Variants in ITSN1 observed in about 807,000 individuals in gnomAD.
The protein encoded by ITSN1 is intersectin 1.
Under a neutral mutation model 239.8 loss-of-function variants are expected in ITSN1, and 58 were observed. That is an observed-to-expected ratio of 0.24 (90% CI 0.20 to 0.30). The LOEUF is 0.30. Among genes scored for constraint, ITSN1 ranks in the 10% least tolerant of loss-of-function variants. ITSN1 has a pLI of 1.00. For missense variants in ITSN1, 1,558 were observed against 2,103.3 expected (o/e 0.74, Z 5.07); for synonymous variants, 780 against 770.8 (o/e 1.01, Z -0.20).
intron 4 of ITSN1, among the ~76,000 whole-genome samples, chr21:33,725,145 T>G (rs1255128828): frequency 4.8e-5 from 7 of 145,014 alleles, no homozygotes; most frequent in East Asian, 2.0e-4. Flanking sequence ...TTTTTTTTTT[T>G]TTTTTTTGAG....
rs770336966 is a variant in ITSN1, at chr21:33,772,050, C to G, written c.1043-11C>G. 9 of 1,612,768 alleles carry G rather than the reference C, an allele frequency of 5.6e-6. No individual in the cohort carries two copies. Among genetic ancestry groups the G allele is most frequent in the Non-Finnish European group, 7.6e-6 (9 of 1,179,108 alleles). ...TTGAGTTTTCATAGTTGCTGTGTTC[C>G]TTGTCTGAAGTAACGTTTGAAGATA... On this transcript the variant is annotated splice_polypyrimidine_tract_variant and intron_variant, in intron 11 of 39. Coordinates refer to ENST00000381318, the MANE Select transcript of ITSN1 (RefSeq NM_003024.3).
intron 1 of ITSN1, among the ~76,000 whole-genome samples, chr21:33,700,748 C>T (rs1455119563): frequency 6.6e-6 from 1 of 151,946 alleles, no homozygotes; most frequent in Non-Finnish European, 1.5e-5. Flanking sequence ...ATTGTTTGGG[C>T]CCAGTTTCTT....
At chr21:33,711,744 T>C (rs986638625) in intron 1 of ITSN1, among the ~76,000 whole-genome samples, 1 of 151,832 alleles carries the variant, frequency 6.6e-6, no homozygotes, top group Admixed American at 6.6e-5. Flanking sequence ...TATTATCAGC[T>C]TAGAGTTAAT....
intron 23 of ITSN1, among the ~76,000 whole-genome samples, chr21:33,819,030 A>G (rs2073475960): frequency 6.6e-6 from 1 of 152,236 alleles, no homozygotes; most frequent in African/African-American, 2.4e-5. Flanking sequence ...TGTGTCCAGT[A>G]TAGCAAAGTG....
chr21:33,713,594 C>T (rs1025398045), intron 1 of ITSN1, among the ~76,000 whole-genome samples: 5 of 152,098 alleles, frequency 3.3e-5, no homozygotes, highest in African/African-American at 4.8e-5. Context: ...TGTAGTAATT[C>T]ATACAGCAAG....
intron 29 of ITSN1, chr21:33,837,467 T>G: frequency 2.0e-6 from 2 of 986,204 alleles, no homozygotes; most frequent in Non-Finnish European, 2.4e-6. Context: ...AATCTGAGAC[T>G]TGATGTATTT....
At chr21:33,689,175 G>A (rs2091391198) in intron 1 of ITSN1, 1 of 152,168 alleles carries the variant, frequency 6.6e-6, no homozygotes. Flanking sequence ...GTTCAGGATT[G>A]CCTAATGTTG....
chr21:33,761,121 G>A (rs908268918), intron 8 of ITSN1, among the ~76,000 whole-genome samples: 3 of 151,706 alleles, frequency 2.0e-5, no homozygotes, highest in African/African-American at 4.9e-5. Flanking sequence ...TGTTGCCCAG[G>A]ATGGAGTGCA....
chr21:33,799,688 G>A, intron 18 of ITSN1, 120 bp from the exon 19 acceptor site: 1 of 1,088,314 alleles, frequency 9.2e-7, no homozygotes, highest in African/African-American at 1.6e-5. Context: ...TGAATGGAGG[G>A]AAATAGTTCA....
Position 33,767,769 on chromosome 21 carries a change from G to A in ITSN1, c.983G>A (p.Arg328Lys), listed in dbSNP as rs1332693153. The A allele has an allele frequency of 6.2e-6, 10 of 1,613,296 alleles. No homozygotes were observed. The highest frequency in any genetic ancestry group is 8.5e-6 in the Non-Finnish European group (10 of 1,179,490). Residue 328 changes from arginine (R) to lysine (K), a missense_variant, in exon 11 of 40, where the codon AGG becomes AAG. Transcript: ENST00000381318. ...SVISSTSVDQRLPEEPVLEDE... is the reference protein window; with the variant it reads ...SVISSTSVDQKLPEEPVLEDE... ...ATAAGCTCAACATCTGTAGATCAGAGGCTACCAGAGGAACCAGTTTTAGAA... is the reference window on the plus strand; with the variant it reads ...ATAAGCTCAACATCTGTAGATCAGAAGCTACCAGAGGAACCAGTTTTAGAA...
chr21:33,882,205 A>G lies in ITSN1; in HGVS notation c.4342-38A>G, dbSNP rs745503382. 12 of 1,589,216 alleles carry G rather than the reference A, an allele frequency of 7.6e-6. No homozygotes were observed. The highest frequency in any genetic ancestry group is 1.4e-5 in the African/African-American group (1 of 74,070). On this transcript the variant is annotated intron_variant, in intron 34 of 39. Coordinates refer to ENST00000381318, the MANE Select transcript of ITSN1 (RefSeq NM_003024.3). The surrounding 1 kb of genome is among the most constrained non-coding windows in gnomAD (Gnocchi z 4.5). ...CCCATGCTTTCAGATGCGGAGAAAC[A>G]AAAATGCTACACTTTGGGTTTTGTT...
intron 34 of ITSN1, among the ~76,000 whole-genome samples, chr21:33,881,190 G>A (rs1404812185): frequency 2.6e-5 from 4 of 152,084 alleles, no homozygotes; most frequent in Non-Finnish European, 1.5e-5. Context: ...GGTGGATCAC[G>A]AGGTCAGGAG....
chr21:33,649,093 G>T (rs1006992793), intron 1 of ITSN1, among the ~76,000 whole-genome samples: 1 of 152,170 alleles, frequency 6.6e-6, no homozygotes, highest in Non-Finnish European at 1.5e-5. Flanking sequence ...TCTTAGAAAC[G>T]CAAGACTGTA....
At chr21:33,887,344 GT>G (rs1343190441) in intron 39 of ITSN1, among the ~76,000 whole-genome samples, 2 of 151,584 alleles carry the variant, frequency 1.3e-5, no homozygotes, top group African/African-American at 4.8e-5. Flanking sequence ...CACAGAGTAA[GT>G]TAAAAGATTA....
Position 33,896,765 on chromosome 21 carries a change from C to T in ITSN1, c.*8465C>T, listed in dbSNP as rs1442804139. ...GCTTTTACTTTTCCTGGGCTGGACG[C>T]TCCAAAATGTTTGCAGTTCCATTTG... On this transcript the variant is annotated 3_prime_UTR_variant, in exon 40 of 40. Coordinates refer to ENST00000381318, the MANE Select transcript of ITSN1 (RefSeq NM_003024.3). 1 of 152,266 alleles carries T rather than the reference C, an allele frequency of 6.6e-6. No homozygotes were observed. The highest frequency in any genetic ancestry group is 1.5e-5 in the Non-Finnish European group (1 of 68,040). The allele number at this position is 152,266 out of a possible 1,614,324, so 9.4% of individuals were successfully genotyped here. A position where few individuals can be genotyped will look rare whatever the true frequency, so the allele number is the denominator to read the frequency against.
At chr21:33,848,306 G>C (rs2075046099) in intron 29 of ITSN1, among the ~76,000 whole-genome samples, 1 of 152,278 alleles carries the variant, frequency 6.6e-6, no homozygotes, top group African/African-American at 2.4e-5. Flanking sequence ...TGGACACACA[G>C]ACGCTGGAGA....
intron 27 of ITSN1, among the ~76,000 whole-genome samples, chr21:33,832,052 AG>A (rs1569272200): frequency 6.6e-6 from 1 of 152,116 alleles, no homozygotes; most frequent in Non-Finnish European, 1.5e-5. Flanking sequence ...CTTGCCTGCC[AG>A]GGGAAGGCTT....
chr21:33,863,249 C>G (rs1477616184), intron 31 of ITSN1, among the ~76,000 whole-genome samples: 1 of 152,222 alleles, frequency 6.6e-6, no homozygotes, highest in African/African-American at 2.4e-5. Context: ...CTCTGTTCTA[C>G]AAGTGTGGGT....
Position 33,898,041 on chromosome 21 carries a change from A to G in ITSN1, c.*9741A>G, listed in dbSNP as rs546441151. ...TTAAAAATGGATTTTTGCAGATCAC[A>G]TATCTGAGAGGGTACTTGTGTCAGG... is the stretch of plus-strand genomic sequence containing the variant. On this transcript the variant is annotated 3_prime_UTR_variant, in exon 40 of 40. Coordinates refer to ENST00000381318, the MANE Select transcript of ITSN1 (RefSeq NM_003024.3). 20 of 152,290 alleles carry G rather than the reference A, an allele frequency of 1.3e-4. No individual in the cohort carries two copies. The South Asian group carries it at 3.7e-3, about 28-fold the overall frequency. The allele number at this position is 152,290 out of a possible 1,614,324, so 9.4% of individuals were successfully genotyped here.
Sources: allele counts gnomAD v4.1 joint callset (sites outside exome capture counted in the v4.1 genomes callset), GRCh38; gene constraint gnomAD v4.1.1; non-coding constraint Gnocchi (gnomAD v3.1); transcripts MANE v1.5; gene names NCBI Gene and HGNC (gene_info 2026-07-23, HGNC 2026-07-21).